The following ACOXL variants were observed in gnomAD, a reference collection of about 807,000 sequenced individuals.
ACOXL encodes the protein acyl-coenzyme A oxidase-like protein.
In ACOXL, 70 loss-of-function variants were observed where a neutral mutation model predicts 71.9. The observed-to-expected ratio is 0.97, with a 90% confidence interval of 0.80 to 1.19. The LOEUF is 1.19. Among genes scored for constraint, ACOXL ranks in the 50% most tolerant of loss-of-function variants. The pLI is 0.00. For synonymous variants in ACOXL, 253 were observed against 281.6 expected (o/e 0.90, Z 1.02); for missense variants, 703 against 736.3 (o/e 0.95, Z 0.52).
chr2:111,012,583 A>G (rs905946903), intron 14 of ACOXL, among the ~76,000 whole-genome samples: 10 of 152,254 alleles, frequency 6.6e-5, no homozygotes, highest in African/African-American at 2.4e-4. Flanking sequence ...TAAAAAGATT[A>G]AAGTAATGCA....
intron 10 of ACOXL, among the ~76,000 whole-genome samples, chr2:110,864,766 T>C (rs1694358153): frequency 6.6e-6 from 1 of 152,208 alleles, no homozygotes. Context: ...TACAGTCCAC[T>C]TTTTGGCCCT....
rs551940811 is a variant in ACOXL at position 110,768,469 on chromosome 2, G to C, written c.75+5G>C. Reference sequence around the variant, plus strand: ...AAACGTGCAGGTCAGGATCTGGTAAGTGTCATTATTATTCTGGTATGGTTG... The same window carrying C: ...AAACGTGCAGGTCAGGATCTGGTAACTGTCATTATTATTCTGGTATGGTTG... On this transcript the variant is annotated splice_donor_5th_base_variant and intron_variant, in intron 2 of 17. Transcript: ENST00000439055. 1 of 1,611,502 alleles carries C rather than the reference G, an allele frequency of 6.2e-7. No homozygotes were observed. Among genetic ancestry groups the C allele is most frequent in the South Asian group, 1.1e-5 (1 of 91,020 alleles).
intron 14 of ACOXL, among the ~76,000 whole-genome samples, chr2:111,019,955 G>T (rs111849794): frequency 9.9e-5 from 15 of 152,068 alleles, no homozygotes; most frequent in Non-Finnish European, 2.1e-4. Context: ...CTACCTCTCC[G>T]GTTCAAGCGA....
intron 10 of ACOXL, among the ~76,000 whole-genome samples, chr2:110,900,690 C>T (rs1447699532): frequency 1.3e-5 from 2 of 152,196 alleles, no homozygotes; most frequent in African/African-American, 4.8e-5. Context: ...CTAGAGAGGA[C>T]AAGAACAGAC....
intron 10 of ACOXL, among the ~76,000 whole-genome samples, chr2:110,860,081 G>C (rs1693758389): frequency 6.6e-6 from 1 of 152,114 alleles, no homozygotes; most frequent in Non-Finnish European, 1.5e-5. Flanking sequence ...ATTTCCATTT[G>C]TGTGTGCTGT....
intron 9 of ACOXL, among the ~76,000 whole-genome samples, chr2:110,817,843 T>C (rs1688091352): frequency 6.6e-6 from 1 of 152,156 alleles, no homozygotes; most frequent in Non-Finnish European, 1.5e-5. Context: ...GTTTTCATGC[T>C]TGAATAAATA....
At chr2:111,013,082 G>A (rs552301938) in intron 14 of ACOXL, among the ~76,000 whole-genome samples, 77 of 152,204 alleles carry the variant, frequency 5.1e-4, no homozygotes, top group African/African-American at 1.7e-3. Context: ...AATTAACAAC[G>A]TCAAGAATGA....
chr2:110,929,980 G>C (rs1404553878), intron 11 of ACOXL, among the ~76,000 whole-genome samples: 1 of 152,246 alleles, frequency 6.6e-6, no homozygotes, highest in Non-Finnish European at 1.5e-5. Context: ...GAGAACCTTT[G>C]CTAGGGTAGT....
rs544611010 is a variant in ACOXL at position 111,021,572 on chromosome 2, C to G, written c.1282-10055C>G. Reference sequence around the variant, plus strand: ...TCTCTGGGAGACTCTCCTTGAGGACCTGCCACACCTGCCCTTCAGTACAGA... The same window carrying G: ...TCTCTGGGAGACTCTCCTTGAGGACGTGCCACACCTGCCCTTCAGTACAGA... On this transcript the variant is annotated intron_variant, in intron 14 of 17. Coordinates refer to ENST00000439055, the MANE Select transcript of ACOXL (RefSeq NM_001142807.4). 4.6e-5 allele frequency among the ~76,000 whole-genome samples: 7 copies of G among 152,280 alleles called. No individual in the cohort carries two copies. The South Asian group carries it at 1.2e-3, about 27-fold the overall frequency.
intron 17 of ACOXL, among the ~76,000 whole-genome samples, chr2:111,111,110 A>T (rs1362625959): frequency 2.0e-5 from 3 of 151,672 alleles, no homozygotes; most frequent in Non-Finnish European, 4.4e-5. Flanking sequence ...TTATTTATTT[A>T]TTTTTTTTAA....
chr2:110,871,702 G>C (rs1404612259), intron 10 of ACOXL, among the ~76,000 whole-genome samples: 6 of 152,186 alleles, frequency 3.9e-5, no homozygotes, highest in Non-Finnish European at 8.8e-5. Flanking sequence ...CCGGGAACCA[G>C]GAGCAGCAGT....
intron 14 of ACOXL, among the ~76,000 whole-genome samples, chr2:111,013,611 CT>C (rs2064282470): frequency 6.9e-6 from 1 of 144,202 alleles, no homozygotes; most frequent in Non-Finnish European, 1.5e-5. Flanking sequence ...TTTTTCTTTT[CT>C]TTTCTTTCTT....
At chr2:111,110,947 C>A (rs1051016214) in intron 17 of ACOXL, among the ~76,000 whole-genome samples, 4 of 152,100 alleles carry the variant, frequency 2.6e-5, no homozygotes, top group Non-Finnish European at 5.9e-5. Flanking sequence ...TAACTTTGGA[C>A]TCTTATTGTA....
intron 9 of ACOXL, among the ~76,000 whole-genome samples, chr2:110,817,633 A>T (rs1351773949): frequency 6.6e-6 from 1 of 152,136 alleles, no homozygotes; most frequent in Non-Finnish European, 1.5e-5. Flanking sequence ...GGGGCAGCCT[A>T]CATCTTGTGC....
At chr2:110,983,434 T>C (rs1003149535) in intron 12 of ACOXL, among the ~76,000 whole-genome samples, 7 of 152,268 alleles carry the variant, frequency 4.6e-5, no homozygotes, top group Non-Finnish European at 7.3e-5. Context: ...GCTGTAGATT[T>C]GCTTGATTCC....
At chr2:110,990,950 G>T (rs973921556) in intron 13 of ACOXL, among the ~76,000 whole-genome samples, 9 of 152,088 alleles carry the variant, frequency 5.9e-5, no homozygotes, top group Non-Finnish European at 1.3e-4. Context: ...TTCCATTCTT[G>T]TACATGCCTG....
At chr2:110,809,567 C>T (rs1293202358) in intron 9 of ACOXL, among the ~76,000 whole-genome samples, 3 of 152,232 alleles carry the variant, frequency 2.0e-5, no homozygotes, top group African/African-American at 7.2e-5. Context: ...TCAGGGGATT[C>T]TCAGAACCGG....
intron 17 of ACOXL, among the ~76,000 whole-genome samples, chr2:111,101,502 G>C (rs979105401): frequency 6.6e-6 from 1 of 152,126 alleles, no homozygotes; most frequent in Non-Finnish European, 1.5e-5. Flanking sequence ...TGGATCAAGA[G>C]ACACATTCAG....
chr2:110,976,219 G>A (rs1261712370), intron 12 of ACOXL, among the ~76,000 whole-genome samples: 6 of 152,180 alleles, frequency 3.9e-5, no homozygotes, highest in Admixed American at 3.9e-4. Flanking sequence ...CTCTCAAGCA[G>A]CACTGAAGGA....
Sources: allele counts gnomAD v4.1 joint callset (sites outside exome capture counted in the v4.1 genomes callset), GRCh38; gene constraint gnomAD v4.1.1; transcripts MANE v1.5; gene names NCBI Gene and HGNC (gene_info 2026-07-23, HGNC 2026-07-21).